Variants in NUP62CL observed in about 807,000 individuals in gnomAD.
The protein encoded by NUP62CL is nucleoporin-62 C-terminal-like protein.
NUP62CL carries 13 observed loss-of-function variants against 15.3 expected under a neutral mutation model. That is an observed-to-expected ratio of 0.85 (90% CI 0.55 to 1.35). NUP62CL has a LOEUF of 1.35. Ranked by LOEUF, NUP62CL falls within the 40% of genes most tolerant of loss-of-function variation. The pLI is 0.00. For synonymous variants in NUP62CL, 54 were observed against 49.2 expected, an observed-to-expected ratio of 1.10 and a Z score of -0.41; for missense variants, 123 against 130.6, an observed-to-expected ratio of 0.94 and a Z score of 0.28.
At chrX:107,161,800 GTAA>G (rs959213084) in intron 4 of NUP62CL, among the ~76,000 whole-genome samples, 6 of 90,623 alleles carry the variant, frequency 6.6e-5, no homozygotes, top group Admixed American at 1.3e-4. Context: ...AATAATAATA[GTAA>G]TAATAATAAA....
chrX:107,168,891 G>A (rs1926577954), intron 3 of NUP62CL, among the ~76,000 whole-genome samples: 2 of 111,914 alleles, frequency 1.8e-5, no homozygotes, highest in Non-Finnish European at 3.8e-5. Flanking sequence ...CTGGCCTGAG[G>A]GAACATTCCT....
chrX:107,188,678 C>T (rs12850244), intron 2 of NUP62CL, among the ~76,000 whole-genome samples: 1,914 of 111,205 alleles, frequency 0.017, 16 homozygotes, highest in Middle Eastern at 0.029. Flanking sequence ...AGAAATGAAA[C>T]TATATTTGCA....
At chrX:107,133,250 C>G (rs1162376020) in intron 8 of NUP62CL, among the ~76,000 whole-genome samples, 3 of 111,082 alleles carry the variant, frequency 2.7e-5, no homozygotes, top group Non-Finnish European at 5.7e-5. Context: ...TCTGACCTAC[C>G]CTGCTGTCTT....
At chrX:107,176,196 T>C (rs1347678304) in intron 2 of NUP62CL, among the ~76,000 whole-genome samples, 2 of 111,280 alleles carry the variant, frequency 1.8e-5, no homozygotes, top group Non-Finnish European at 3.8e-5. Flanking sequence ...AACATTACTA[T>C]AAAAAATGGA....
At chrX:107,195,450 C>A (rs1482473610) in intron 1 of NUP62CL, among the ~76,000 whole-genome samples, 1 of 111,965 alleles carries the variant, frequency 8.9e-6, no homozygotes, top group Non-Finnish European at 1.9e-5. Context: ...GCAGGAACAA[C>A]TATCATGTCA....
At chrX:107,187,317 AC>A (rs1301805557) in intron 2 of NUP62CL, among the ~76,000 whole-genome samples, 1 of 112,227 alleles carries the variant, frequency 8.9e-6, no homozygotes, top group African/African-American at 3.2e-5. Flanking sequence ...CCCAAAGCAA[AC>A]AGAAAAAAAG....
chrX:107,183,682 TA>T (rs1166426339), intron 2 of NUP62CL, among the ~76,000 whole-genome samples: 1 of 110,782 alleles, frequency 9.0e-6, no homozygotes, highest in East Asian at 2.8e-4. Context: ...CTGCTTTTTT[TA>T]GACAAAGGGC....
intron 2 of NUP62CL, among the ~76,000 whole-genome samples, chrX:107,186,356 T>C (rs1247009041): frequency 8.9e-6 from 1 of 112,035 alleles, no homozygotes; most frequent in East Asian, 2.8e-4. Context: ...ACAGTTACTA[T>C]AGTTAAGCAA....
Position 107,166,366 on chromosome X carries a change from C to T in NUP62CL, c.194+1283G>A, listed in dbSNP as rs112469701. Among the ~76,000 whole-genome samples, 301 of 112,032 alleles carry T rather than the reference C, an allele frequency of 2.7e-3. 2 individuals carry two copies. Among genetic ancestry groups the T allele is most frequent in the African/African-American group, 9.2e-3 (283 of 30,856 alleles). On this transcript the variant is annotated intron_variant, in intron 4 of 8. Transcript: ENST00000372466. ...AAATTAAAACCATAATGAGATATCACTTCACATCTGTCAGAAGGGCTCAAA... is the reference window on the plus strand; with the variant it reads ...AAATTAAAACCATAATGAGATATCATTTCACATCTGTCAGAAGGGCTCAAA...
At chrX:107,152,079 G>GATATATATATATATATATTCAGAT (rs750141716) in intron 7 of NUP62CL, among the ~76,000 whole-genome samples, 2 of 37,400 alleles carry the variant, frequency 5.3e-5, no homozygotes, top group Non-Finnish European at 8.1e-5. Flanking sequence ...TATATATTCA[G>GATATATATATATATATATTCAGAT]ATATATATAT....
intron 2 of NUP62CL, among the ~76,000 whole-genome samples, chrX:107,190,569 T>C (rs975679737): frequency 1.8e-5 from 2 of 111,715 alleles, no homozygotes; most frequent in African/African-American, 3.3e-5. Flanking sequence ...CCTATATTCA[T>C]CAATAACACT....
chrX:107,152,155 T>TATATATATATATATTCAG (rs1926058101), intron 7 of NUP62CL, among the ~76,000 whole-genome samples: 2 of 68,725 alleles, frequency 2.9e-5, no homozygotes, highest in African/African-American at 1.2e-4. Context: ...TATTCAGATA[T>TATATATATATATATTCAG]ATATATATAT....
chrX:107,205,141 C>G (rs950669339), intron 1 of NUP62CL, among the ~76,000 whole-genome samples: 5 of 110,886 alleles, frequency 4.5e-5, no homozygotes, highest in Non-Finnish European at 7.5e-5. Flanking sequence ...TACATGTGTA[C>G]TAGGTCACAA....
chrX:107,158,153 G>C (rs2057706865), intron 4 of NUP62CL, among the ~76,000 whole-genome samples: 1 of 63,226 alleles, frequency 1.6e-5, no homozygotes, highest in South Asian at 1.0e-3. Context: ...CCTACAAAGA[G>C]ACCTAGACTC....
At chrX:107,153,012 A>G (rs921960722) in intron 7 of NUP62CL, among the ~76,000 whole-genome samples, 160 bp downstream of exon 7, 1 of 112,343 alleles carries the variant, frequency 8.9e-6, no homozygotes, top group Non-Finnish European at 1.9e-5. Context: ...GATAACCAGA[A>G]AACAATCAAA....
At chrX:107,153,385 AG>A (rs1474197758) in intron 6 of NUP62CL, 68 bp downstream of exon 6, 6 of 1,087,170 alleles carry the variant, frequency 5.5e-6, no homozygotes, top group African/African-American at 3.8e-5. Context: ...AAACTACAGA[AG>A]GAAAAAAAAA....
intron 4 of NUP62CL, among the ~76,000 whole-genome samples, chrX:107,160,813 G>T (rs1232725994): frequency 1.8e-5 from 2 of 111,260 alleles, no homozygotes; most frequent in Non-Finnish European, 3.8e-5. Flanking sequence ...CTTCTGCACA[G>T]TGGGGGAAAC....
chrX:107,183,685 A>G (rs1422744205), intron 2 of NUP62CL, among the ~76,000 whole-genome samples: 1 of 110,898 alleles, frequency 9.0e-6, no homozygotes, highest in East Asian at 2.8e-4. Context: ...CTTTTTTTAG[A>G]CAAAGGGCAA....
At chrX:107,152,063 TATATATATATATTCAG>T (rs1167778440) in intron 7 of NUP62CL, among the ~76,000 whole-genome samples, 21 of 71,175 alleles carry the variant, frequency 3.0e-4, no homozygotes, top group East Asian at 2.6e-3. Context: ...TATATATATA[TATATATATATATTCAG>T]ATATATATAT....
Sources: gnomAD v4.1 joint callset for allele counts (sites outside exome capture counted in the v4.1 genomes callset) on GRCh38, gnomAD v4.1.1 for gene constraint, MANE v1.5 for transcripts, NCBI Gene and HGNC (gene_info 2026-07-23, HGNC 2026-07-21) for gene names.